Variants in LGR4 observed in about 807,000 individuals in gnomAD.
The protein encoded by LGR4 is leucine-rich repeat-containing G protein-coupled receptor 4.
A neutral mutation model predicts 84.8 loss-of-function variants in LGR4; 44 were observed. The observed-to-expected ratio is 0.52, with a 90% CI of 0.41 to 0.67. LGR4 has a LOEUF of 0.67. Ranked by LOEUF, LGR4 falls within the 30% of genes least tolerant of loss-of-function variation. The pLI, the probability that LGR4 is intolerant of heterozygous loss-of-function variation, is 0.00. For synonymous variants in LGR4, 429 were observed against 434.3 expected (o/e 0.99, Z 0.15); for missense variants, 1,032 against 1,131.4 (o/e 0.91, Z 1.26).
Position 27,368,067 on chromosome 11 carries a change from C to A in LGR4, c.2656G>T (p.Val886Leu). 1 of 1,614,038 alleles carries A rather than the reference C, an allele frequency of 6.2e-7. No homozygotes were observed. The highest frequency in any genetic ancestry group is 8.5e-7 in the Non-Finnish European group (1 of 1,179,934). The part of the protein sequence containing the change: ...IKSHSCPALA[V>L]ASCQRPEGYW... Reference sequence around the variant, plus strand: ...CCCTCAGGTCTTTGGCAAGAAGCCACTGCCAATGCAGGACAGCTGTGTGAT... The same window carrying A: ...CCCTCAGGTCTTTGGCAAGAAGCCAATGCCAATGCAGGACAGCTGTGTGAT... Residue 886 changes from valine (V) to leucine (L), a missense_variant, in exon 18 of 18, where the codon GTG becomes TTG. Physicochemically the swap from Val to Leu is conservative, Grantham distance 32. Transcript: ENST00000379214.
chr11:27,395,152 G>A (rs1470462118), intron 2 of LGR4, among the ~76,000 whole-genome samples: 1 of 152,132 alleles, frequency 6.6e-6, no homozygotes, highest in Admixed American at 6.5e-5. Flanking sequence ...ATAAGAGGCA[G>A]TAGCCATCTT....
At position 27,449,824 on chromosome 11, in the gene LGR4, T is replaced by A. The variant is rs140100152; in HGVS notation, c.185+22294A>T. 2.4e-3 allele frequency among the ~76,000 whole-genome samples: 373 copies of A among 152,308 alleles called. 3 individuals are homozygous for A. The highest frequency in any genetic ancestry group is 8.5e-3 in the African/African-American group (354 of 41,568). ...CTCCAGAAAATATAACAGGATGACC[T>A]TCAATTGTTTCTGCTATGCTTCCTG... On this transcript the variant is annotated intron_variant, in intron 1 of 17. Transcript: ENST00000379214.
At chr11:27,426,081 A>C (rs977184660) in intron 1 of LGR4, among the ~76,000 whole-genome samples, 1 of 152,214 alleles carries the variant, frequency 6.6e-6, no homozygotes, top group Admixed American at 6.5e-5. Context: ...ACTTCCAAAG[A>C]AAAAACAGGC....
At chr11:27,467,316 C>T (rs2133461862) in intron 1 of LGR4, among the ~76,000 whole-genome samples, 1 of 151,976 alleles carries the variant, frequency 6.6e-6, no homozygotes, top group African/African-American at 2.4e-5. Context: ...ACCTGTAATC[C>T]CAGCACTTTG....
At chr11:27,431,393 A>C (rs1223126879) in intron 1 of LGR4, among the ~76,000 whole-genome samples, 2 of 152,186 alleles carry the variant, frequency 1.3e-5, no homozygotes, top group African/African-American at 2.4e-5. Flanking sequence ...TCCCCACTAG[A>C]AAAGAACATT....
intron 1 of LGR4, among the ~76,000 whole-genome samples, chr11:27,446,971 T>C (rs575986636): frequency 1.6e-3 from 234 of 146,006 alleles, no homozygotes; most frequent in Non-Finnish European, 2.9e-3. Context: ...CACTCATAGG[T>C]GGGAACTGAA....
intron 13 of LGR4, 137 bp from the exon 14 acceptor site, chr11:27,374,183 A>G: frequency 1.5e-6 from 1 of 671,432 alleles, no homozygotes; most frequent in South Asian, 1.8e-5. Flanking sequence ...TTGGCCAGCA[A>G]TATTTTTTCA....
intron 1 of LGR4, among the ~76,000 whole-genome samples, chr11:27,466,077 A>G (rs1007320283): frequency 6.6e-6 from 1 of 152,184 alleles, no homozygotes; most frequent in Non-Finnish European, 1.5e-5. Flanking sequence ...CATATTTCTC[A>G]CTCCAAAACC....
intron 7 of LGR4, 112 bp from the exon 8 acceptor site, chr11:27,381,078 G>T: frequency 1.7e-6 from 1 of 571,472 alleles, no homozygotes; most frequent in Non-Finnish European, 3.2e-6. Flanking sequence ...ATGACTACAT[G>T]AAAATTTTCA....
At chr11:27,388,269 T>C (rs1037978230) in intron 4 of LGR4, among the ~76,000 whole-genome samples, 12 of 152,188 alleles carry the variant, frequency 7.9e-5, no homozygotes, top group Non-Finnish European at 1.3e-4. Flanking sequence ...GAGTATGTAC[T>C]TATACTGAGA....
intron 1 of LGR4, among the ~76,000 whole-genome samples, chr11:27,440,865 A>C (rs1051687187): frequency 1.1e-4 from 17 of 152,322 alleles, no homozygotes; most frequent in Admixed American, 1.1e-3. Context: ...GGTCGATGGA[A>C]TCAAAAATCC....
chr11:27,467,966 A>G (rs1311884734), intron 1 of LGR4, among the ~76,000 whole-genome samples: 1 of 152,232 alleles, frequency 6.6e-6, no homozygotes, highest in Non-Finnish European at 1.5e-5. Context: ...AAAGATAACA[A>G]AACTCTACCA....
At chr11:27,456,223 C>A (rs1864574160) in intron 1 of LGR4, among the ~76,000 whole-genome samples, 1 of 152,170 alleles carries the variant, frequency 6.6e-6, no homozygotes, top group African/African-American at 2.4e-5. Context: ...TGAATAATAG[C>A]CCTGCTGCTA....
At chr11:27,386,967 C>T (rs78503809) in intron 4 of LGR4, among the ~76,000 whole-genome samples, 4,095 of 152,224 alleles carry the variant, frequency 0.027, 93 homozygotes, top group Non-Finnish European at 0.036. Context: ...AAAGTACTGC[C>T]TACAGAGCTG....
At chr11:27,372,425 A>G in intron 15 of LGR4, 27 bp from the exon 16 acceptor site, 1 of 1,241,328 alleles carries the variant, frequency 8.1e-7, no homozygotes, top group Non-Finnish European at 1.2e-6. Context: ...TAAAATCTAC[A>G]CTGAACAGCA....
At chr11:27,466,004 C>T (rs1302418913) in intron 1 of LGR4, among the ~76,000 whole-genome samples, 1 of 152,138 alleles carries the variant, frequency 6.6e-6, no homozygotes, top group Admixed American at 6.5e-5. Context: ...TATAGGAAAA[C>T]AAGCTTTAAC....
At chr11:27,390,982 T>G in intron 4 of LGR4, 112 bp downstream of exon 4, 1 of 676,290 alleles carries the variant, frequency 1.5e-6, no homozygotes, top group Non-Finnish European at 2.5e-6. Context: ...CTATCTCTGT[T>G]TTTATCTCAG....
intron 1 of LGR4, among the ~76,000 whole-genome samples, chr11:27,466,044 C>T (rs182703575): frequency 2.0e-5 from 3 of 152,086 alleles, no homozygotes; most frequent in Non-Finnish European, 2.9e-5. Flanking sequence ...CCGCACGGGA[C>T]GGTTAAATAG....
In LGR4 at chr11:27,447,051, G is replaced by C. The variant is rs1464046300; in HGVS notation, c.185+25067C>G. Among the ~76,000 whole-genome samples, 4 of 150,592 alleles carry C rather than the reference G, an allele frequency of 2.7e-5. No homozygotes were observed. In the East Asian group the frequency reaches 7.9e-4, roughly 30 times the overall value. On this transcript the variant is annotated intron_variant, in intron 1 of 17. Transcript: ENST00000379214. ...GGCCTGTCATGGGGTCAGGGGAGGG[G>C]GGAGGGATAGCATTAGGAGATATAC...
Sources: allele counts gnomAD v4.1 joint callset (sites outside exome capture counted in the v4.1 genomes callset), GRCh38; gene constraint gnomAD v4.1.1; transcripts MANE v1.5; gene names NCBI Gene and HGNC (gene_info 2026-07-23, HGNC 2026-07-21).